The following RPS10 variants were observed in gnomAD, a reference collection of about 807,000 sequenced individuals.
RPS10 encodes the protein ribosomal protein S10.
Under a neutral mutation model 22.6 loss-of-function variants are expected in RPS10, and 2 were observed. That is an observed-to-expected ratio of 0.09 (90% confidence interval 0.04 to 0.28). The LOEUF (loss-of-function observed/expected upper bound fraction) is 0.28. RPS10 is among the 10% of genes least tolerant of loss of function. The pLI is 1.00. For missense variants in RPS10, 137 were observed against 222.2 expected (o/e 0.62, Z 2.44); for synonymous variants, 70 against 75.9 (o/e 0.92, Z 0.40).
At chr6:34,425,317 G>A (rs943245027) in intron 1 of RPS10, 96 bp from the exon 2 acceptor site, 4 of 1,478,112 alleles carry the variant, frequency 2.7e-6, no homozygotes, top group African/African-American at 2.8e-5. Flanking sequence ...ACACAAAACC[G>A]TAGACAACAT....
intron 4 of RPS10, among the ~76,000 whole-genome samples, chr6:34,420,161 T>C (rs988889986): frequency 6.6e-6 from 1 of 152,166 alleles, no homozygotes; most frequent in Non-Finnish European, 1.5e-5. Context: ...ATGGCTCACA[T>C]TGGGTACAAG....
intron 3 of RPS10, chr6:34,424,442 TGAA>T: frequency 1.8e-6 from 1 of 562,162 alleles, no homozygotes; most frequent in Non-Finnish European, 3.2e-6. Flanking sequence ...CAGGTGTGGG[TGAA>T]GAAAGTGACA....
At position 34,424,140 on chromosome 6, in the gene RPS10, TAAA is replaced by T. The variant is rs71538239; in HGVS notation, c.322+526_322+528del. ...GCTGGGCAACAGAGCAAGACTCCGT[TAAA>T]AAAAAAAAAAAAAAAAAAAAAGCAA... is the stretch of plus-strand genomic sequence containing the variant. On this transcript the variant is annotated intron_variant, in intron 3 of 5. Transcript: ENST00000648437. 1.4e-3 allele frequency: 69 copies of T among 49,152 alleles called. 1 individual carries two copies. The highest frequency in any genetic ancestry group is 6.6e-3 in the Admixed American group (16 of 2,416). 3.0% of individuals were successfully genotyped at this position (49,152 alleles called of 1,614,324 possible).
At chr6:34,422,926 C>A (rs1765818279) in intron 3 of RPS10, among the ~76,000 whole-genome samples, 1 of 151,826 alleles carries the variant, frequency 6.6e-6, no homozygotes. Context: ...ACTAAAATTA[C>A]AAAAATTAGC....
At chr6:34,423,641 T>C (rs1419995623) in intron 3 of RPS10, among the ~76,000 whole-genome samples, 1 of 152,178 alleles carries the variant, frequency 6.6e-6, no homozygotes, top group Non-Finnish European at 1.5e-5. Context: ...TCCCAGCACT[T>C]TGGGAGGCTG....
chr6:34,418,729 A>T (rs1356521144), intron 4 of RPS10, among the ~76,000 whole-genome samples: 3 of 152,094 alleles, frequency 2.0e-5, no homozygotes, highest in Non-Finnish European at 4.4e-5. Flanking sequence ...TAGATAACAA[A>T]GGGAGTGTAA....
intron 5 of RPS10, 158 bp downstream of exon 5, chr6:34,418,211 C>A: frequency 2.0e-6 from 3 of 1,536,748 alleles, no homozygotes; most frequent in Non-Finnish European, 2.6e-6. Context: ...TTGCATGCTA[C>A]AACTCAATGT....
chr6:34,424,005 T>C (rs1421079942), intron 3 of RPS10, among the ~76,000 whole-genome samples: 1 of 151,890 alleles, frequency 6.6e-6, no homozygotes, highest in East Asian at 1.9e-4. Flanking sequence ...AATCTGCGCA[T>C]TTTTTCACCT....
At chr6:34,421,444 C>G (rs867989015) in intron 4 of RPS10, among the ~76,000 whole-genome samples, 22 of 152,010 alleles carry the variant, frequency 1.4e-4, no homozygotes, top group Non-Finnish European at 2.8e-4. Context: ...TCGACCCCCC[C>G]CCTCCAACCA....
At chr6:34,423,816 T>G (rs139073803) in intron 3 of RPS10, among the ~76,000 whole-genome samples, 9 of 152,088 alleles carry the variant, frequency 5.9e-5, no homozygotes, top group African/African-American at 1.9e-4. Flanking sequence ...GAGGTGGAAG[T>G]TGCAGTAAGC....
intron 1 of RPS10, chr6:34,425,569 T>C (rs1314622689): frequency 2.9e-6 from 1 of 344,800 alleles, no homozygotes; most frequent in African/African-American, 2.1e-5. Flanking sequence ...CAGCGCGGAA[T>C]CTCGCGGCTG....
Position 34,418,555 on chromosome 6 carries a change from C to T in RPS10, c.401-131G>A, listed in dbSNP as rs1765653642. 3 of 1,403,458 alleles carry T rather than the reference C, an allele frequency of 2.1e-6. No individual in the cohort carries two copies. In the East Asian group the frequency reaches 7.4e-5, roughly 35 times the overall value. 86.9% of individuals were successfully genotyped at this position (1,403,458 alleles called of 1,614,324 possible). ...CTCCGTTAAATATAAGCAAATTACA[C>T]CAGTGGTGGGGAATACCTTCTGAGC... is the stretch of plus-strand genomic sequence containing the variant. On this transcript the variant is annotated intron_variant, in intron 4 of 5. Transcript: ENST00000648437.
At chr6:34,423,768 C>G (rs1272670231) in intron 3 of RPS10, among the ~76,000 whole-genome samples, 2 of 152,016 alleles carry the variant, frequency 1.3e-5, no homozygotes, top group Admixed American at 1.3e-4. Context: ...CCTATAATCC[C>G]AGTCTCGGGA....
At position 34,424,783 on chromosome 6, in the gene RPS10, A is replaced by G. The variant is rs1352758715; in HGVS notation, c.208T>C (p.Tyr70His). Residue 70 changes from tyrosine (Y) to histidine (H), a missense_variant, in exon 3 of 6, where the codon TAC becomes CAC. Physicochemically the swap from Tyr to His is moderately conservative, Grantham distance 83. Coordinates refer to ENST00000648437, the MANE Select transcript of RPS10 (RefSeq NM_001014.5). Reference protein sequence around the residue: ...EQFAWRHFYWYLTNEGIQYLR... With the variant: ...EQFAWRHFYWHLTNEGIQYLR... ...TACTGGATACCCTCATTGGTAAGGTACCAGTAGAAATGTCTCCAGGCAAAC... is the reference window on the plus strand; with the variant it reads ...TACTGGATACCCTCATTGGTAAGGTGCCAGTAGAAATGTCTCCAGGCAAAC... 1 of 1,614,136 alleles carries G rather than the reference A, an allele frequency of 6.2e-7. No individual in the cohort carries two copies. Among genetic ancestry groups the G allele is most frequent in the Admixed American group, 1.7e-5 (1 of 60,014 alleles).
chr6:34,424,863 T>C (rs911731713), intron 2 of RPS10, 23 bp from the exon 3 acceptor site: 2 of 1,613,616 alleles, frequency 1.2e-6, no homozygotes, highest in Non-Finnish European at 1.7e-6. Flanking sequence ...AAACTACTGT[T>C]AAGGCGTTAA....
At chr6:34,425,970 C>T (rs1206132732) in intron 1 of RPS10, 62 bp downstream of exon 1, 1 of 152,810 alleles carries the variant, frequency 6.5e-6, no homozygotes, top group East Asian at 1.9e-4. Flanking sequence ...GAGAAGCAGC[C>T]GCTAAGGCGG....
chr6:34,417,612 T>C (rs1458193882), intron 5 of RPS10, 65 bp from the exon 6 acceptor site: 42 of 1,538,640 alleles, frequency 2.7e-5, no homozygotes, highest in East Asian at 2.0e-4. Context: ...GAGGTTTTGC[T>C]AACTTTCAGG....
intron 4 of RPS10, among the ~76,000 whole-genome samples, chr6:34,419,727 C>T (rs948903282): frequency 5.9e-5 from 9 of 152,090 alleles, no homozygotes; most frequent in African/African-American, 1.9e-4. Context: ...CATGTGCATA[C>T]CACCACGCTT....
intron 5 of RPS10, chr6:34,418,106 G>T: frequency 7.5e-7 from 1 of 1,333,142 alleles, no homozygotes; most frequent in Non-Finnish European, 1.0e-6. Context: ...CCAGTGTTTA[G>T]TTCAATGTCA....
Sources: allele counts gnomAD v4.1 joint callset (sites outside exome capture counted in the v4.1 genomes callset), GRCh38; gene constraint gnomAD v4.1.1; transcripts MANE v1.5; gene names NCBI Gene and HGNC (gene_info 2026-07-23, HGNC 2026-07-21).